TRABD2B: variants seen among roughly 807,000 people sequenced by gnomAD.
TRABD2B encodes the protein TraB domain containing 2B, also known as metalloprotease TIKI2.
Under a neutral mutation model 40.1 loss-of-function variants are expected in TRABD2B, and 14 were observed. That is an observed-to-expected ratio of 0.35 (90% CI 0.23 to 0.55). TRABD2B has a LOEUF of 0.55. TRABD2B is among the 20% of genes least tolerant of loss of function. The pLI is 0.90. For synonymous variants in TRABD2B, 263 were observed against 277.0 expected (o/e 0.95, Z 0.50); for missense variants, 541 against 648.6 (o/e 0.83, Z 1.80).
In TRABD2B at chr1:47,848,578, C is replaced by A. The variant is rs534925511; in HGVS notation, c.667-46959G>T. On this transcript the variant is annotated intron_variant, in intron 2 of 6. Coordinates refer to ENST00000606738, the MANE Select transcript of TRABD2B (RefSeq NM_001194986.2). Reference sequence around the variant, plus strand: ...GCCTTTGTTACAGATGCATGAACCCCCAGAGTGACACAGCTTAGCATCTTC... The same window carrying A: ...GCCTTTGTTACAGATGCATGAACCCACAGAGTGACACAGCTTAGCATCTTC... 7.9e-5 allele frequency among the ~76,000 whole-genome samples: 12 copies of A among 152,344 alleles called. No homozygotes were observed. In the East Asian group the frequency reaches 2.3e-3, roughly 29 times the overall value.
intron 2 of TRABD2B, among the ~76,000 whole-genome samples, chr1:47,968,479 AAAC>A (rs1473995396): frequency 1.3e-5 from 2 of 152,158 alleles, no homozygotes; most frequent in Non-Finnish European, 2.9e-5. Context: ...AGCTAATATC[AAAC>A]AACGGTTACT....
At chr1:47,979,014 G>A (rs1645801398) in intron 2 of TRABD2B, among the ~76,000 whole-genome samples, 1 of 152,078 alleles carries the variant, frequency 6.6e-6, no homozygotes, top group Admixed American at 6.5e-5. Flanking sequence ...TGGAAATGGA[G>A]GATCAGGGGG....
At chr1:47,942,521 G>A (rs1238632772) in intron 2 of TRABD2B, among the ~76,000 whole-genome samples, 1 of 152,158 alleles carries the variant, frequency 6.6e-6, no homozygotes, top group Non-Finnish European at 1.5e-5. Context: ...CAAAGGAGAT[G>A]TGGCTGCTGC....
chr1:47,805,216 C>T (rs570866474), intron 2 of TRABD2B, among the ~76,000 whole-genome samples: 1 of 151,932 alleles, frequency 6.6e-6, no homozygotes, highest in Non-Finnish European at 1.5e-5. Context: ...CAGATGTCCA[C>T]AGGCACAGCC....
chr1:47,815,672 C>A (rs917130888), intron 2 of TRABD2B, among the ~76,000 whole-genome samples: 2 of 152,158 alleles, frequency 1.3e-5, no homozygotes, highest in East Asian at 1.9e-4. Flanking sequence ...CTCCTGCAAC[C>A]GGGAAGCACA....
At chr1:47,854,903 C>T (rs1643875672) in intron 2 of TRABD2B, among the ~76,000 whole-genome samples, 1 of 152,112 alleles carries the variant, frequency 6.6e-6, no homozygotes, top group African/African-American at 2.4e-5. Flanking sequence ...AAGTTTGGAG[C>T]TCACATTTTT....
chr1:47,996,279 G>C lies in TRABD2B; in HGVS notation c.102+409C>G, dbSNP rs1304047955. On this transcript the variant is annotated intron_variant, in intron 1 of 6. Coordinates refer to ENST00000606738, the MANE Select transcript of TRABD2B (RefSeq NM_001194986.2). The surrounding 1 kb of genome is among the most constrained non-coding windows in gnomAD (Gnocchi z 4.6). ...GAGGGGGCAGAGTGTGTGAATGGGA[G>C]AGCAAAAGGGTTCGATGGAAGTCAA... 6.6e-6 allele frequency among the ~76,000 whole-genome samples: 1 copy of C among 152,100 alleles called. No homozygotes were observed. Among genetic ancestry groups the C allele is most frequent in the Non-Finnish European group, 1.5e-5 (1 of 68,010 alleles).
At chr1:47,769,043 C>A (rs1397961320) in intron 6 of TRABD2B, among the ~76,000 whole-genome samples, 1 of 152,208 alleles carries the variant, frequency 6.6e-6, no homozygotes. Flanking sequence ...CTCAAACCCG[C>A]AGATGGAGGC....
At chr1:47,958,599 C>A (rs1470486604) in intron 2 of TRABD2B, among the ~76,000 whole-genome samples, 1 of 150,154 alleles carries the variant, frequency 6.7e-6, no homozygotes. Flanking sequence ...CAACAAAGAT[C>A]AAAAGAGACA....
intron 2 of TRABD2B, among the ~76,000 whole-genome samples, chr1:47,909,197 T>C (rs1644717109): frequency 6.6e-6 from 1 of 152,236 alleles, no homozygotes; most frequent in Non-Finnish European, 1.5e-5. Flanking sequence ...AGGTAGTGTG[T>C]TAGTCTGTTT....
At chr1:47,976,674 G>T (rs1645760194) in intron 2 of TRABD2B, among the ~76,000 whole-genome samples, 1 of 152,126 alleles carries the variant, frequency 6.6e-6, no homozygotes, top group Non-Finnish European at 1.5e-5. Context: ...CAAATAGGGT[G>T]GTCAGGGGAA....
intron 2 of TRABD2B, among the ~76,000 whole-genome samples, chr1:47,932,930 G>A (rs1326795301): frequency 6.6e-6 from 1 of 152,170 alleles, no homozygotes; most frequent in Non-Finnish European, 1.5e-5. Flanking sequence ...GTCCCAGAAC[G>A]TGAGCTTGGG....
chr1:47,939,903 C>T (rs1645163044), intron 2 of TRABD2B, among the ~76,000 whole-genome samples: 1 of 152,166 alleles, frequency 6.6e-6, no homozygotes, highest in African/African-American at 2.4e-5. Context: ...CCTTTCTAGT[C>T]CACCTCCCTC....
At chr1:47,977,834 G>A (rs1168235172) in intron 2 of TRABD2B, among the ~76,000 whole-genome samples, 1 of 152,108 alleles carries the variant, frequency 6.6e-6, no homozygotes, top group Non-Finnish European at 1.5e-5. Flanking sequence ...AAGAGGAAAT[G>A]AAGAGCTGGA....
At chr1:47,909,492 G>GAGGAGAAGGAGA (rs71056646) in intron 2 of TRABD2B, among the ~76,000 whole-genome samples, 18,433 of 139,876 alleles carry the variant, frequency 0.13, 1,573 homozygotes, top group East Asian at 0.36. Context: ...GAAGGAGAAG[G>GAGGAGAAGGAGA]AGGAGAAGGA....
At chr1:47,949,500 C>A (rs1389684466) in intron 2 of TRABD2B, among the ~76,000 whole-genome samples, 1 of 151,062 alleles carries the variant, frequency 6.6e-6, no homozygotes, top group African/African-American at 2.4e-5. Context: ...CTCTGCCTCC[C>A]GGGTTCAAGT....
intron 4 of TRABD2B, among the ~76,000 whole-genome samples, chr1:47,781,072 C>T (rs1644514810): frequency 2.0e-5 from 3 of 152,188 alleles, no homozygotes; most frequent in African/African-American, 7.2e-5. Flanking sequence ...GGAGACAGTC[C>T]CCGGCAGGGC....
chr1:47,791,212 C>T (rs1398798301), intron 4 of TRABD2B, among the ~76,000 whole-genome samples: 2 of 152,168 alleles, frequency 1.3e-5, no homozygotes, highest in African/African-American at 4.8e-5. Flanking sequence ...AATCTCTCAC[C>T]TTCACATGCT....
intron 2 of TRABD2B, among the ~76,000 whole-genome samples, chr1:47,978,140 A>G (rs2148436923): frequency 6.6e-6 from 1 of 152,228 alleles, no homozygotes; most frequent in Non-Finnish European, 1.5e-5. Context: ...AGGTCTTGAG[A>G]GCGGAGCCCA....
Sources: allele counts gnomAD v4.1 joint callset (sites outside exome capture counted in the v4.1 genomes callset), GRCh38; gene constraint gnomAD v4.1.1; non-coding constraint Gnocchi (gnomAD v3.1); transcripts MANE v1.5; gene names NCBI Gene and HGNC (gene_info 2026-07-23, HGNC 2026-07-21).